The following ESRRG variants were observed in gnomAD, a reference collection of about 807,000 sequenced individuals.
The protein encoded by ESRRG is estrogen-related receptor gamma.
In ESRRG, 13 loss-of-function variants were observed where a neutral mutation model predicts 44.0. The observed-to-expected ratio is 0.30, with a 90% CI of 0.19 to 0.47. ESRRG has a LOEUF of 0.47. ESRRG is among the 20% of genes least tolerant of loss of function. The pLI, the probability that ESRRG is intolerant of heterozygous loss-of-function variation, is 1.00. For missense variants in ESRRG, 395 were observed against 580.6 expected, an observed-to-expected ratio of 0.68 and a Z score of 3.29; for synonymous variants, 215 against 214.6, an observed-to-expected ratio of 1.00 and a Z score of -0.02.
chr1:216,758,454 G>A (rs548463928), intron 2 of ESRRG, among the ~76,000 whole-genome samples: 11 of 152,068 alleles, frequency 7.2e-5, no homozygotes, highest in South Asian at 4.2e-4. Context: ...AAGTCAAGGC[G>A]CTTATCTCTC....
At chr1:216,726,544 A>T (rs1427134974), upstream of ESRRG, among the ~76,000 whole-genome samples, 1 of 151,886 alleles carries the variant, frequency 6.6e-6, no homozygotes, top group African/African-American at 2.4e-5. Flanking sequence ...AAAAACAAAT[A>T]AACAAACAAA....
chr1:217,061,238 G>A (rs1166623695), intron 1 of ESRRG, among the ~76,000 whole-genome samples: 1 of 152,050 alleles, frequency 6.6e-6, no homozygotes, highest in Non-Finnish European at 1.5e-5. Context: ...ACCAGAGCAT[G>A]ATTCAACCCC....
chr1:216,673,294 C>T (rs921295821), intron 2 of ESRRG, among the ~76,000 whole-genome samples: 2 of 152,236 alleles, frequency 1.3e-5, no homozygotes, highest in African/African-American at 2.4e-5. Context: ...ACAATTACTG[C>T]TCTAATTATT....
At chr1:216,791,059 G>A (rs10157225) in intron 2 of ESRRG, among the ~76,000 whole-genome samples, 46,807 of 152,008 alleles carry the variant, frequency 0.31, 7,896 homozygotes, top group African/African-American at 0.41. Context: ...CTTAGATTAA[G>A]AAGTGTAAGC....
chr1:216,657,466 C>A (rs2070926640), intron 2 of ESRRG, among the ~76,000 whole-genome samples: 1 of 152,148 alleles, frequency 6.6e-6, no homozygotes, highest in African/African-American at 2.4e-5. Flanking sequence ...TATTATACCT[C>A]ATTTTCACCC....
chr1:216,524,160 T>G (rs2148997386), intron 5 of ESRRG, among the ~76,000 whole-genome samples: 1 of 147,840 alleles, frequency 6.8e-6, no homozygotes, highest in Admixed American at 6.7e-5. Context: ...GGGGCAGACA[T>G]ATCACTTTGT....
At chr1:217,068,111 A>G (rs540577807) in intron 1 of ESRRG, among the ~76,000 whole-genome samples, 55 of 152,220 alleles carry the variant, frequency 3.6e-4, no homozygotes, top group Non-Finnish European at 6.8e-4. Flanking sequence ...AGCTACCTCA[A>G]TTCCATCTTC....
intron 5 of ESRRG, among the ~76,000 whole-genome samples, chr1:216,546,131 G>A (rs780669319): frequency 9.2e-5 from 14 of 152,012 alleles, no homozygotes; most frequent in South Asian, 2.1e-4. Context: ...TCCTGTGCGA[G>A]GTAGGCTATT....
rs115302165 is a variant in ESRRG at position 216,661,266 on chromosome 1, G to C, written c.473-10177C>G. On this transcript the variant is annotated intron_variant, in intron 2 of 6. Transcript: ENST00000408911. The stretch of plus-strand genomic sequence containing the variant: ...AGAAGTCTTTATAAAAGAGCTTAAA[G>C]GTGACCACTGCCACAAGAAATATAT... 3.2e-3 allele frequency among the ~76,000 whole-genome samples: 484 copies of C among 152,172 alleles called. 1 individual carries two copies. Among genetic ancestry groups the C allele is most frequent in the African/African-American group, 0.011 (473 of 41,542 alleles).
chr1:216,751,054 C>T (rs1483295731), intron 2 of ESRRG, among the ~76,000 whole-genome samples: 2 of 152,190 alleles, frequency 1.3e-5, no homozygotes, highest in Non-Finnish European at 2.9e-5. Flanking sequence ...CCATCTTTCT[C>T]ATTGCTATTC....
At chr1:216,719,562 C>T (rs2085726089) in intron 1 of ESRRG, among the ~76,000 whole-genome samples, 1 of 151,866 alleles carries the variant, frequency 6.6e-6, no homozygotes, top group South Asian at 2.1e-4. Flanking sequence ...AAAAATCTTT[C>T]CTCCTGCTTC....
intron 2 of ESRRG, among the ~76,000 whole-genome samples, chr1:216,772,461 C>G (rs1017629303): frequency 6.6e-6 from 1 of 152,118 alleles, no homozygotes; most frequent in African/African-American, 2.4e-5. Context: ...TATCACTCTA[C>G]CTTTAACCAA....
chr1:216,793,857 T>A (rs1241481838), intron 2 of ESRRG, among the ~76,000 whole-genome samples: 1 of 152,090 alleles, frequency 6.6e-6, no homozygotes, highest in African/African-American at 2.4e-5. Flanking sequence ...ACATAACAGA[T>A]CCAATAACCA....
chr1:216,768,502 A>ATC (rs1576338949), intron 2 of ESRRG, among the ~76,000 whole-genome samples: 1 of 73,996 alleles, frequency 1.4e-5, no homozygotes, highest in East Asian at 4.1e-4. Context: ...ATCTATCTAT[A>ATC]TTTTAGAGGC....
At chr1:216,794,676 T>C (rs1261317209) in intron 2 of ESRRG, among the ~76,000 whole-genome samples, 1 of 152,184 alleles carries the variant, frequency 6.6e-6, no homozygotes, top group African/African-American at 2.4e-5. Context: ...GAGAGAGTTA[T>C]TAGAATTATT....
intron 1 of ESRRG, among the ~76,000 whole-genome samples, chr1:216,711,987 C>T (rs1172942827): frequency 6.6e-6 from 1 of 152,120 alleles, no homozygotes; most frequent in African/African-American, 2.4e-5. Context: ...TATTACCTTG[C>T]TTTCATTCAA....
chr1:216,669,110 A>AAC, intron 2 of ESRRG, among the ~76,000 whole-genome samples: 1 of 151,902 alleles, frequency 6.6e-6, no homozygotes, highest in South Asian at 2.1e-4. Flanking sequence ...CTTAAAAAAA[A>AAC]AACAAAACAA....
intron 3 of ESRRG, among the ~76,000 whole-genome samples, chr1:216,609,696 AT>A (rs372968226): frequency 2.0e-5 from 3 of 152,176 alleles, no homozygotes; most frequent in African/African-American, 4.8e-5. Context: ...TAACTAGTCT[AT>A]TTTTTTCTTA....
intron 1 of ESRRG, among the ~76,000 whole-genome samples, chr1:216,948,873 C>T (rs1483355692): frequency 1.3e-5 from 2 of 152,106 alleles, no homozygotes; most frequent in Non-Finnish European, 2.9e-5. Flanking sequence ...GGATTTCCTG[C>T]CTTCACTCTG....
Sources: allele counts gnomAD v4.1 joint callset (sites outside exome capture counted in the v4.1 genomes callset), GRCh38; gene constraint gnomAD v4.1.1; transcripts MANE v1.5; gene names NCBI Gene and HGNC (gene_info 2026-07-23, HGNC 2026-07-21).